Variants in MPDZ observed in about 807,000 individuals in gnomAD.
MPDZ encodes multiple PDZ domain protein.
MPDZ carries 234 observed loss-of-function variants against 239.1 expected under a neutral mutation model. That is an observed-to-expected ratio of 0.98 (90% confidence interval 0.88 to 1.09). The LOEUF is 1.09. MPDZ is among the 50% of genes least tolerant of loss of function. The probability of loss-of-function intolerance (pLI) is 0.00; values close to 1 mark genes in which losing one functional copy is unlikely to be tolerated. For missense variants in MPDZ, 3,175 were observed against 2,510.0 expected (o/e 1.26, Z -5.66); for synonymous variants, 1,048 against 881.3 (o/e 1.19, Z -3.35).
At chr9:13,272,424 AT>A (rs2139331448) in intron 1 of MPDZ, among the ~76,000 whole-genome samples, 2 of 152,346 alleles carry the variant, frequency 1.3e-5, no homozygotes, top group Admixed American at 1.3e-4. Context: ...ATGAAGAGCC[AT>A]TCCAATGCTA....
Position 13,219,552 on chromosome 9 carries a change from T to C in MPDZ, c.1086+7A>G. 2 of 1,610,686 alleles carry C rather than the reference T, an allele frequency of 1.2e-6. No individual in the cohort carries two copies. The highest frequency in any genetic ancestry group is 2.2e-5 in the South Asian group (2 of 90,844). On this transcript the variant is annotated splice_region_variant and intron_variant, in intron 8 of 46. Transcript: ENST00000319217. Reference sequence around the variant, plus strand: ...GACTTTCACATTAACTACTCTTAACTACTTACCCGCAACTCTGGTGTTGAA... The same window carrying C: ...GACTTTCACATTAACTACTCTTAACCACTTACCCGCAACTCTGGTGTTGAA...
intron 3 of MPDZ, among the ~76,000 whole-genome samples, chr9:13,231,560 A>T (rs1962478038): frequency 6.6e-6 from 1 of 152,078 alleles, no homozygotes; most frequent in Non-Finnish European, 1.5e-5. Context: ...TATTTAAAAA[A>T]ATAATAATAA....
At chr9:13,127,652 G>C (rs1164632031) in intron 32 of MPDZ, among the ~76,000 whole-genome samples, 1 of 152,124 alleles carries the variant, frequency 6.6e-6, no homozygotes, top group African/African-American at 2.4e-5. Flanking sequence ...GTGACATCAA[G>C]GTAGGTTTCA....
At chr9:13,244,436 T>C (rs1340770562) in intron 3 of MPDZ, among the ~76,000 whole-genome samples, 2 of 152,202 alleles carry the variant, frequency 1.3e-5, no homozygotes, top group Non-Finnish European at 2.9e-5. Context: ...GTTCTTTTTT[T>C]TTCTCTTCAC....
chr9:13,252,222 C>T (rs1180531905), intron 1 of MPDZ, among the ~76,000 whole-genome samples: 1 of 152,074 alleles, frequency 6.6e-6, no homozygotes, highest in Non-Finnish European at 1.5e-5. Flanking sequence ...CTTCACAAAA[C>T]AGCCTACTAT....
intron 1 of MPDZ, among the ~76,000 whole-genome samples, chr9:13,264,485 G>T (rs879933325): frequency 6.6e-6 from 1 of 152,116 alleles, no homozygotes; most frequent in Non-Finnish European, 1.5e-5. Flanking sequence ...ACTGAGGTTT[G>T]ATTACATAAC....
intron 1 of MPDZ, 63 bp downstream of exon 1, chr9:13,279,337 G>GGC (rs1309047532): frequency 7.4e-6 from 1 of 134,522 alleles, no homozygotes; most frequent in African/African-American, 2.7e-5. Flanking sequence ...CTTCCCCGCC[G>GGC]GCGCGCGCGC....
intron 32 of MPDZ, among the ~76,000 whole-genome samples, chr9:13,131,655 G>T (rs527882315): frequency 6.6e-6 from 1 of 152,246 alleles, no homozygotes; most frequent in South Asian, 2.1e-4. Context: ...ATTCTGAGAC[G>T]TGACCAGCTA....
chr9:13,223,022 G>A (rs1959243121), intron 5 of MPDZ, among the ~76,000 whole-genome samples: 1 of 152,036 alleles, frequency 6.6e-6, no homozygotes, highest in African/African-American at 2.4e-5. Flanking sequence ...GACTACTAAT[G>A]TTTACATAGG....
chr9:13,205,151 C>A, intron 11 of MPDZ, 44 bp from the exon 12 acceptor site: 1 of 1,072,622 alleles, frequency 9.3e-7, no homozygotes, highest in South Asian at 1.9e-5. Flanking sequence ...TTAGTATAAT[C>A]AAGTACTTGA....
At chr9:13,136,326 T>TTTTTTTTG in intron 30 of MPDZ, 144 bp from the exon 31 acceptor site, 2 of 141,664 alleles carry the variant, frequency 1.4e-5, no homozygotes, top group Non-Finnish European at 2.5e-5. Flanking sequence ...AAACGTTTTC[T>TTTTTTTTG]TTTTTTTTTT....
At chr9:13,215,946 T>G in intron 10 of MPDZ, among the ~76,000 whole-genome samples, 1 of 46,822 alleles carries the variant, frequency 2.1e-5, no homozygotes, top group Non-Finnish European at 3.6e-5. Context: ...CAGCAATTTG[T>G]TTTTTTTTTT....
chr9:13,162,894 T>G (rs1291169302), intron 22 of MPDZ, 99 bp from the exon 23 acceptor site: 1 of 740,570 alleles, frequency 1.4e-6, no homozygotes, highest in African/African-American at 1.8e-5. Context: ...ATATTGTCCC[T>G]TTCTCCCTAC....
In MPDZ at chr9:13,123,216, G is replaced by A. The variant is rs1359137180; in HGVS notation, c.4890C>T (p.Ile1630=). The change falls in exon 36 of 47, where the codon ATC becomes ATT. Residue 1630 remains isoleucine (I), a synonymous_variant. Coordinates refer to ENST00000319217, the MANE Select transcript of MPDZ (RefSeq NM_001378778.1). The stretch of plus-strand genomic sequence containing the variant: ...GCCCTGTTCGCCCTTTGGAAATCTC[G>A]ATGGTTGTTTCGCAGCCAGGGATAA... ...CPIIPGCETT[I]EISKGRTGLG... The A allele has an allele frequency of 3.1e-6, 5 of 1,613,570 alleles. No homozygotes were observed. Among genetic ancestry groups the A allele is most frequent in the East Asian group, 4.5e-5 (2 of 44,846 alleles).
intron 3 of MPDZ, among the ~76,000 whole-genome samples, chr9:13,234,005 T>C (rs2136925114): frequency 7.2e-6 from 1 of 138,940 alleles, no homozygotes; most frequent in Admixed American, 7.8e-5. Flanking sequence ...TTTTAATCTC[T>C]GTAATACATT....
At chr9:13,130,656 T>C (rs2132003213) in intron 32 of MPDZ, among the ~76,000 whole-genome samples, 1 of 152,338 alleles carries the variant, frequency 6.6e-6, no homozygotes, top group East Asian at 1.9e-4. Context: ...GCCAGAATAT[T>C]GAAGTAATAT....
chr9:13,125,120 T>C, intron 35 of MPDZ, 96 bp downstream of exon 35: 2 of 1,175,166 alleles, frequency 1.7e-6, no homozygotes, highest in Non-Finnish European at 2.4e-6. Context: ...TTCCAAACAG[T>C]GAGCCACAGG....
intron 10 of MPDZ, among the ~76,000 whole-genome samples, chr9:13,213,730 A>G (rs1366785952): frequency 6.6e-6 from 1 of 152,060 alleles, no homozygotes; most frequent in Non-Finnish European, 1.5e-5. Context: ...AGATTCTTCC[A>G]CCTTTGCATC....
At chr9:13,209,710 G>A (rs1957392596) in intron 10 of MPDZ, among the ~76,000 whole-genome samples, 2 of 151,978 alleles carry the variant, frequency 1.3e-5, no homozygotes, top group South Asian at 4.1e-4. Context: ...ACATTTCCTT[G>A]TATTTATGGA....
Sources: allele counts gnomAD v4.1 joint callset (sites outside exome capture counted in the v4.1 genomes callset), GRCh38; gene constraint gnomAD v4.1.1; transcripts MANE v1.5; gene names NCBI Gene and HGNC (gene_info 2026-07-23, HGNC 2026-07-21).